MYT1: variants seen among roughly 807,000 people sequenced by gnomAD.
MYT1 encodes myelin transcription factor I.
Under a neutral mutation model 123.0 loss-of-function variants are expected in MYT1, and 23 were observed. The observed-to-expected ratio is 0.19, with a 90% CI of 0.13 to 0.26. MYT1 has a LOEUF of 0.26. Ranked by LOEUF, MYT1 falls within the 10% of genes least tolerant of loss-of-function variation. The probability of loss-of-function intolerance (pLI) is 1.00; values close to 1 mark genes in which losing one functional copy is unlikely to be tolerated. For missense variants in MYT1, 1,125 were observed against 1,472.5 expected (o/e 0.76, Z 3.86); for synonymous variants, 518 against 575.3 (o/e 0.90, Z 1.43).
At chr20:64,234,835 T>G (rs1396600608) in intron 19 of MYT1, among the ~76,000 whole-genome samples, 33 of 84,106 alleles carry the variant, frequency 3.9e-4, no homozygotes, top group African/African-American at 1.5e-3. Context: ...CCGAGCTGGC[T>G]GTGGTGGGTG....
intron 4 of MYT1, 118 bp from the exon 5 acceptor site, chr20:64,204,917 C>A: frequency 1.1e-6 from 1 of 945,734 alleles, no homozygotes; most frequent in Non-Finnish European, 1.6e-6. Context: ...AAACTGCAGG[C>A]AGCCATTCTG....
chr20:64,222,027 C>T lies in MYT1; in HGVS notation c.2376C>T (p.Asp792=), dbSNP rs767072223. Reference sequence around the variant, plus strand: ...TTAAGCTGAAGTTTCTCTCCAAGGACATAAAGAAGGAGCTGCTCACGTAAG... The same window carrying T: ...TTAAGCTGAAGTTTCTCTCCAAGGATATAAAGAAGGAGCTGCTCACGTAAG... ...TNFKLKFLSK[D]IKKELLTCPT... Residue 792 remains aspartate, a synonymous_variant, in exon 14 of 23, where the codon GAC becomes GAT. Transcript: ENST00000328439. 15 of 1,612,758 alleles carry T rather than the reference C, an allele frequency of 9.3e-6. 1 individual carries two copies. In the East Asian group the frequency reaches 3.3e-4, roughly 36 times the overall value.
chr20:64,179,207 C>T (rs906320550), intron 1 of MYT1, among the ~76,000 whole-genome samples: 2 of 151,144 alleles, frequency 1.3e-5, no homozygotes, highest in African/African-American at 4.9e-5. Context: ...AACGTGGGAG[C>T]ACTGAGCCAT....
chr20:64,196,326 G>C lies in MYT1; in HGVS notation c.1-2536G>C, dbSNP rs1040811552. ...TGAGCCTGGGTGGTGCTGGGCACAG[G>C]GCCGCCCCCAGCACCCGCTCTCCAT... is the stretch of plus-strand genomic sequence containing the variant. On this transcript the variant is annotated intron_variant, in intron 2 of 22. Coordinates refer to ENST00000328439, the MANE Select transcript of MYT1 (RefSeq NM_004535.3). The surrounding 1 kb of genome is among the most constrained non-coding windows in gnomAD (Gnocchi z 4.3). 1.3e-5 allele frequency among the ~76,000 whole-genome samples: 2 copies of C among 152,246 alleles called. No homozygotes were observed. Among genetic ancestry groups the C allele is most frequent in the African/African-American group, 4.8e-5 (2 of 41,466 alleles).
chr20:64,230,843 G>T (rs956695540), intron 18 of MYT1, among the ~76,000 whole-genome samples: 9 of 152,348 alleles, frequency 5.9e-5, no homozygotes, highest in African/African-American at 2.2e-4. Flanking sequence ...ACCAAGAGAG[G>T]GGCCTGTGGA....
intron 1 of MYT1, among the ~76,000 whole-genome samples, chr20:64,180,243 C>T (rs1310395241): frequency 6.6e-6 from 1 of 152,202 alleles, no homozygotes; most frequent in Non-Finnish European, 1.5e-5. Flanking sequence ...CACACACACC[C>T]TTTTTCACCT....
At position 64,192,721 on chromosome 20, in the gene MYT1, T is replaced by G. The variant is rs1455550013; in HGVS notation, c.-1+2561T>G. 6.6e-6 allele frequency among the ~76,000 whole-genome samples: 1 copy of G among 152,168 alleles called. No homozygotes were observed. The highest frequency in any genetic ancestry group is 1.9e-4 in the East Asian group (1 of 5,184). On this transcript the variant is annotated intron_variant, in intron 2 of 22. Transcript: ENST00000328439. The surrounding 1 kb of genome is among the most constrained non-coding windows in gnomAD (Gnocchi z 5.3). ...CAGAGATATGGAATCAAGGAAAAGA[T>G]CAGTTGCATGGCCATTCAGCCAACC...
intron 1 of MYT1, among the ~76,000 whole-genome samples, chr20:64,171,541 T>C (rs1982280083): frequency 6.6e-6 from 1 of 152,226 alleles, no homozygotes. Flanking sequence ...GGAGCTCCCT[T>C]CATCCCCAGG....
At chr20:64,210,062 C>T (rs6090072) in intron 7 of MYT1, among the ~76,000 whole-genome samples, 9,300 of 152,086 alleles carry the variant, frequency 0.061, 337 homozygotes, top group South Asian at 0.099. Context: ...GTGCTTGGGC[C>T]GCACAGATCA....
In MYT1 at chr20:64,199,889, C is replaced by G. The variant is rs372202998; in HGVS notation, c.56-3C>G. On this transcript the variant is annotated splice_polypyrimidine_tract_variant and splice_region_variant and intron_variant, in intron 3 of 22. Coordinates refer to ENST00000328439, the MANE Select transcript of MYT1 (RefSeq NM_004535.3). ...GTTTTCCCTGTTTCTGTCTTTTTCC[C>G]AGGACCCCCAGAGACCACAGCTGCA... The G allele has an allele frequency of 6.2e-6, 10 of 1,613,960 alleles. No individual in the cohort carries two copies. The highest frequency in any genetic ancestry group is 4.0e-5 in the African/African-American group (3 of 74,922).
At chr20:64,234,547 G>A (rs1984437413) in intron 19 of MYT1, among the ~76,000 whole-genome samples, 1 of 152,302 alleles carries the variant, frequency 6.6e-6, no homozygotes, top group African/African-American at 2.4e-5. Flanking sequence ...AGGTCATCTA[G>A]GTGAGGTGGA....
chr20:64,240,606 TC>T lies in MYT1; in HGVS notation c.*161del. On this transcript the variant is annotated 3_prime_UTR_variant, in exon 23 of 23. Coordinates refer to ENST00000328439, the MANE Select transcript of MYT1 (RefSeq NM_004535.3). ...AAAGGGATGGCTGGAAATTGGCCGC[TC>T]CCACGAGGCTCCCTCCAGGCTTGGG... The T allele has an allele frequency of 9.9e-7, 1 of 1,009,332 alleles. No individual in the cohort carries two copies. Among genetic ancestry groups the T allele is most frequent in the Non-Finnish European group, 1.4e-6 (1 of 718,480 alleles). The allele number at this position is 1,009,332 out of a possible 1,614,324, so 62.5% of individuals were successfully genotyped here.
rs796089733 is a variant in MYT1, at chr20:64,171,619, A to AC, written c.-99+6880_-99+6881insC. ...TGGAGGAACCCAAACCCTAACCCCT[A>AC]ACCTCTGGCATCTGGAGGAACCCAA... On this transcript the variant is annotated intron_variant, in intron 1 of 22. Transcript: ENST00000328439. Among the ~76,000 whole-genome samples, 27 of 140,620 alleles carry AC rather than the reference A, an allele frequency of 1.9e-4. No homozygotes were observed. The East Asian group carries it at 3.8e-3, about 20-fold the overall frequency. The allele number at this position is 140,620 out of a possible 152,430, so 92.3% of individuals were successfully genotyped here. A position where few individuals can be genotyped will look rare whatever the true frequency, so the allele number is the denominator to read the frequency against.
intron 19 of MYT1, among the ~76,000 whole-genome samples, chr20:64,235,040 CCTGGGCTGGCCATGGTGGTTGATG>C (rs1984468181): frequency 1.4e-5 from 2 of 140,064 alleles, no homozygotes; most frequent in African/African-American, 5.5e-5. Context: ...GGTGGGTGAC[CCTGGGCTGGCCATGGTGGTTGATG>C]CTGGGATGGT....
Position 64,212,186 on chromosome 20 carries a change from GGTGGGGGCC to G in MYT1, c.1517+49_1517+57del. The G allele has an allele frequency of 1.6e-6, 1 of 627,064 alleles. No individual in the cohort carries two copies. Among genetic ancestry groups the G allele is most frequent in the South Asian group, 1.9e-5 (1 of 51,618 alleles). 38.8% of individuals were successfully genotyped at this position (627,064 alleles called of 1,614,324 possible). On this transcript the variant is annotated intron_variant, in intron 9 of 22. Transcript: ENST00000328439. This position sits in a 1 kb window ranked among gnomAD's most constrained non-coding sequence, Gnocchi z 6.8. ...TAGTGGGGGCCAGGGTGGGGGCCGT[GGTGGGGGCC>G]AGGGTGGGGGCCGTGGTGGGGGCCA...
At chr20:64,230,509 A>G (rs528215760) in intron 18 of MYT1, among the ~76,000 whole-genome samples, 8 of 152,330 alleles carry the variant, frequency 5.3e-5, no homozygotes, top group African/African-American at 9.6e-5. Context: ...GCGAGACTCC[A>G]TCTCAAAAAT....
In MYT1 at chr20:64,213,490, C is replaced by T. The variant is rs1485609284; in HGVS notation, c.1518-44C>T. Reference sequence around the variant, plus strand: ...ACACAGACACCCAGGACAGGACAGGCATGGAGGGGAAGGCTCAGAAACCCC... The same window carrying T: ...ACACAGACACCCAGGACAGGACAGGTATGGAGGGGAAGGCTCAGAAACCCC... On this transcript the variant is annotated intron_variant, in intron 9 of 22. Coordinates refer to ENST00000328439, the MANE Select transcript of MYT1 (RefSeq NM_004535.3). This position sits in a 1 kb window ranked among gnomAD's most constrained non-coding sequence, Gnocchi z 5.6. The T allele has an allele frequency of 6.7e-7, 1 of 1,495,388 alleles. No homozygotes were observed. The allele number at this position is 1,495,388 out of a possible 1,614,324, so 92.6% of individuals were successfully genotyped here. A position where few individuals can be genotyped will look rare whatever the true frequency, so the allele number is the denominator to read the frequency against.
At chr20:64,178,526 G>A (rs59197487) in intron 1 of MYT1, among the ~76,000 whole-genome samples, 2,336 of 136,836 alleles carry the variant, frequency 0.017, no homozygotes, top group South Asian at 0.047. Context: ...GCCGTTATTC[G>A]GTGGGATACC....
intron 1 of MYT1, among the ~76,000 whole-genome samples, chr20:64,169,398 G>C (rs1161231750): frequency 6.6e-6 from 1 of 152,160 alleles, no homozygotes; most frequent in African/African-American, 2.4e-5. Context: ...ACACCTACAG[G>C]GTTTTTGGGT....
Sources: allele counts gnomAD v4.1 joint callset (sites outside exome capture counted in the v4.1 genomes callset), GRCh38; gene constraint gnomAD v4.1.1; non-coding constraint Gnocchi (gnomAD v3.1); transcripts MANE v1.5; gene names NCBI Gene and HGNC (gene_info 2026-07-23, HGNC 2026-07-21).